GRIP1: variants seen among roughly 807,000 people sequenced by gnomAD.
GRIP1 encodes glutamate receptor interacting protein 1, also known as glutamate receptor-interacting protein 1.
Under a neutral mutation model 129.9 loss-of-function variants are expected in GRIP1, and 45 were observed. The observed-to-expected ratio is 0.35, with a 90% CI of 0.27 to 0.44. GRIP1 has a LOEUF of 0.44. Ranked by LOEUF, GRIP1 falls within the 20% of genes least tolerant of loss-of-function variation. The pLI is 1.00. For synonymous variants in GRIP1, 530 were observed against 520.8 expected, an observed-to-expected ratio of 1.02 and a Z score of -0.24; for missense variants, 1,196 against 1,396.8, an observed-to-expected ratio of 0.86 and a Z score of 2.29.
chr12:66,531,288 TATATATATATATATACAC>T lies in GRIP1; in HGVS notation c.419-1392_419-1375del, dbSNP rs1285157573. On this transcript the variant is annotated intron_variant, in intron 4 of 24. Transcript: ENST00000359742. ...ATATATATATATATATATATATATATATATATATATATATACACACACACACACATACATATACATATA... is the reference window on the plus strand; with the variant it reads ...ATATATATATATATATATATATATATACACACACACATACATATACATATA... Among the ~76,000 whole-genome samples the T allele has an allele frequency of 3.3e-4, 18 of 54,078 alleles. 1 individual carries two copies. The highest frequency in any genetic ancestry group is 1.7e-3 in the African/African-American group (18 of 10,332). 35.5% of individuals were successfully genotyped at this position (54,078 alleles called of 152,430 possible). A position where few individuals can be genotyped will look rare whatever the true frequency, so the allele number is the denominator to read the frequency against.
intron 16 of GRIP1, among the ~76,000 whole-genome samples, chr12:66,401,605 TATATACACAC>T (rs1216707047): frequency 1.3e-4 from 16 of 124,452 alleles, no homozygotes; most frequent in African/African-American, 5.4e-4. Context: ...TGTGTATATA[TATATACACAC>T]ACACACACAC....
chr12:66,443,253 C>A (rs1184174954), intron 13 of GRIP1, among the ~76,000 whole-genome samples: 1 of 152,206 alleles, frequency 6.6e-6, no homozygotes, highest in Non-Finnish European at 1.5e-5. Flanking sequence ...AAGAATCCTG[C>A]TGAGTCAGTT....
At chr12:66,791,915 C>T (rs2038548749) in intron 1 of GRIP1, among the ~76,000 whole-genome samples, 1 of 152,126 alleles carries the variant, frequency 6.6e-6, no homozygotes, top group African/African-American at 2.4e-5. Context: ...TGGGAACATG[C>T]AGCATTTGAT....
intron 1 of GRIP1, among the ~76,000 whole-genome samples, chr12:66,977,156 A>T (rs2137601942): frequency 6.6e-6 from 1 of 152,194 alleles, no homozygotes; most frequent in East Asian, 1.9e-4. Flanking sequence ...TATATATATA[A>T]ACATTAGCAT....
At chr12:66,907,840 C>T (rs1328644468) in intron 1 of GRIP1, among the ~76,000 whole-genome samples, 1 of 152,066 alleles carries the variant, frequency 6.6e-6, no homozygotes, top group African/African-American at 2.4e-5. Context: ...AAGTTCCATT[C>T]ATTTTTCTGA....
At chr12:66,454,743 A>G (rs2138223613) in intron 11 of GRIP1, among the ~76,000 whole-genome samples, 1 of 152,264 alleles carries the variant, frequency 6.6e-6, no homozygotes, top group Admixed American at 6.5e-5. Flanking sequence ...AGACTTTAGG[A>G]TGCTTATTGT....
At chr12:66,397,985 T>C (rs980156480) in intron 16 of GRIP1, among the ~76,000 whole-genome samples, 3 of 152,202 alleles carry the variant, frequency 2.0e-5, no homozygotes, top group Non-Finnish European at 4.4e-5. Context: ...TAGACGGTGG[T>C]GATGGCTGCC....
chr12:66,461,370 GCTCCAAA>G (rs2059131542), intron 9 of GRIP1, among the ~76,000 whole-genome samples: 1 of 152,164 alleles, frequency 6.6e-6, no homozygotes. Flanking sequence ...TGGCTACTGT[GCTCCAAA>G]TCCAATGATG....
At chr12:66,924,895 G>A (rs991603736) in intron 1 of GRIP1, among the ~76,000 whole-genome samples, 9 of 152,154 alleles carry the variant, frequency 5.9e-5, no homozygotes, top group African/African-American at 9.7e-5. Context: ...GTGTGAACCC[G>A]GGAGGTGGAG....
intron 1 of GRIP1, among the ~76,000 whole-genome samples, chr12:66,753,179 A>AG (rs2037182731): frequency 6.6e-6 from 1 of 152,196 alleles, no homozygotes; most frequent in Admixed American, 6.6e-5. Context: ...TTCTCAATGT[A>AG]AAATAATCTC....
Position 66,363,200 on chromosome 12 carries a change from CATAT to C in GRIP1, c.3012+8490_3012+8493del, listed in dbSNP as rs35452357. ...ATATGTATATATGTGTGTGTGTGTC[CATAT>C]ATATATATATATATATATATATATA... On this transcript the variant is annotated intron_variant, in intron 23 of 24. Transcript: ENST00000359742. Among the ~76,000 whole-genome samples the C allele has an allele frequency of 5.6e-3, 492 of 88,190 alleles. 27 individuals carry two copies. The highest frequency in any genetic ancestry group is 0.012 in the Middle Eastern group (2 of 172). 57.9% of individuals were successfully genotyped at this position (88,190 alleles called of 152,430 possible).
chr12:66,936,479 T>C lies in GRIP1; in HGVS notation c.58+132571A>G, dbSNP rs138648762. Among the ~76,000 whole-genome samples the C allele has an allele frequency of 9.2e-4, 139 of 151,528 alleles. 2 individuals are homozygous for C. Among genetic ancestry groups the C allele is most frequent in the African/African-American group, 3.2e-3 (131 of 41,310 alleles). ...GAGAATACATGAAAGTTCTGTGTTC[T>C]AGACTCTTCCAGACCTGGTCCTTTA... On this transcript the variant is annotated intron_variant, in intron 1 of 1. Transcript: ENST00000643019.
intron 11 of GRIP1, among the ~76,000 whole-genome samples, chr12:66,451,869 C>A (rs2058818022): frequency 2.0e-5 from 3 of 152,170 alleles, no homozygotes; most frequent in African/African-American, 7.2e-5. Context: ...TTCTTCAGGG[C>A]TCCCTGAATG....
At chr12:66,358,548 G>T (rs1211355916) in intron 23 of GRIP1, among the ~76,000 whole-genome samples, 1 of 152,092 alleles carries the variant, frequency 6.6e-6, no homozygotes, top group Admixed American at 6.5e-5. Context: ...CCAGGCTCAG[G>T]CGATTTCTCC....
chr12:66,963,902 A>T (rs75009488), intron 1 of GRIP1, among the ~76,000 whole-genome samples: 1,682 of 152,238 alleles, frequency 0.011, 22 homozygotes, highest in Non-Finnish European at 0.016. Context: ...TTTTCTTTGT[A>T]TGTTTCTTAC....
intron 2 of GRIP1, among the ~76,000 whole-genome samples, chr12:66,588,382 G>A (rs891649430): frequency 6.6e-5 from 10 of 151,976 alleles, no homozygotes; most frequent in African/African-American, 2.2e-4. Flanking sequence ...TCTAATTGAG[G>A]GCTCTAGTCA....
intron 1 of GRIP1, among the ~76,000 whole-genome samples, chr12:66,714,254 G>A (rs190448714): frequency 1.4e-4 from 22 of 151,830 alleles, no homozygotes; most frequent in Non-Finnish European, 3.2e-4. Flanking sequence ...TTAAGGAGTT[G>A]GTATATTTAG....
intron 7 of GRIP1, among the ~76,000 whole-genome samples, chr12:66,473,761 T>C (rs2059517262): frequency 1.3e-5 from 2 of 152,062 alleles, no homozygotes; most frequent in South Asian, 4.1e-4. Context: ...GAAGGAAAAC[T>C]AACAAACAGA....
chr12:66,930,695 T>C (rs1454604766), intron 1 of GRIP1, among the ~76,000 whole-genome samples: 3 of 152,188 alleles, frequency 2.0e-5, no homozygotes, highest in Non-Finnish European at 4.4e-5. Flanking sequence ...AATCTTTTTC[T>C]AATCCTTAAG....
Sources: allele counts gnomAD v4.1 joint callset (sites outside exome capture counted in the v4.1 genomes callset), GRCh38; gene constraint gnomAD v4.1.1; transcripts MANE v1.5; gene names NCBI Gene and HGNC (gene_info 2026-07-23, HGNC 2026-07-21).